The following SPON1 variants were observed in gnomAD, a reference collection of about 807,000 sequenced individuals.
The protein encoded by SPON1 is spondin 1, also known as spondin-1.
In SPON1, 52 loss-of-function variants were observed where a neutral mutation model predicts 111.7. That is an observed-to-expected ratio of 0.47 (90% CI 0.37 to 0.59). SPON1 has a LOEUF of 0.59. SPON1 is among the 20% of genes least tolerant of loss of function. The probability of loss-of-function intolerance (pLI) is 0.00; values close to 1 mark genes in which losing one functional copy is unlikely to be tolerated. For missense variants in SPON1, 957 were observed against 1,068.5 expected, an observed-to-expected ratio of 0.90 and a Z score of 1.46; for synonymous variants, 410 against 395.8, an observed-to-expected ratio of 1.04 and a Z score of -0.43.
intron 5 of SPON1, among the ~76,000 whole-genome samples, chr11:14,080,642 A>G (rs1848955597): frequency 6.6e-6 from 1 of 152,218 alleles, no homozygotes; most frequent in South Asian, 2.1e-4. Flanking sequence ...CCTGTCCATG[A>G]ATTCCATGAC....
intron 6 of SPON1, among the ~76,000 whole-genome samples, chr11:14,170,807 C>T (rs532140306): frequency 6.6e-6 from 1 of 152,200 alleles, no homozygotes; most frequent in South Asian, 2.1e-4. Context: ...TATTGATTTT[C>T]GTATGTTGAA....
chr11:14,172,822 C>T (rs1848123167), intron 6 of SPON1, among the ~76,000 whole-genome samples: 2 of 151,924 alleles, frequency 1.3e-5, no homozygotes, highest in Non-Finnish European at 2.9e-5. Flanking sequence ...ATATTGGCCC[C>T]CACTCTCTTC....
chr11:13,994,440 C>CCACA (rs3993090), intron 2 of SPON1, among the ~76,000 whole-genome samples: 2 of 151,426 alleles, frequency 1.3e-5, no homozygotes, highest in Admixed American at 1.3e-4. Context: ...TCCCCCATCC[C>CCACA]CACACACACA....
At chr11:14,128,115 T>G (rs1847482266) in intron 5 of SPON1, among the ~76,000 whole-genome samples, 1 of 152,128 alleles carries the variant, frequency 6.6e-6, no homozygotes, top group African/African-American at 2.4e-5. Flanking sequence ...CCCTCCCAAA[T>G]CTCATGTCTT....
At chr11:13,997,579 C>T (rs1468982842) in intron 2 of SPON1, among the ~76,000 whole-genome samples, 1 of 152,216 alleles carries the variant, frequency 6.6e-6, no homozygotes, top group East Asian at 1.9e-4. Flanking sequence ...GAATCATAAA[C>T]TCCATTCCTC....
intron 7 of SPON1, among the ~76,000 whole-genome samples, chr11:14,250,103 G>A (rs1035274855): frequency 2.6e-5 from 4 of 151,990 alleles, no homozygotes; most frequent in Admixed American, 1.3e-4. Context: ...CTACATATTT[G>A]GATTAACTCT....
At chr11:13,971,617 T>A (rs1384653259) in intron 1 of SPON1, among the ~76,000 whole-genome samples, 2 of 152,102 alleles carry the variant, frequency 1.3e-5, no homozygotes, top group African/African-American at 2.4e-5. Context: ...CTTTTTTCAC[T>A]CTTTTAAAGG....
chr11:14,105,978 C>T (rs142465245), intron 5 of SPON1, among the ~76,000 whole-genome samples: 2 of 152,228 alleles, frequency 1.3e-5, no homozygotes, highest in East Asian at 1.9e-4. Context: ...ACTTGCTTGC[C>T]ATTTACTCCT....
In SPON1 at chr11:14,162,215, T is replaced by A. The variant is rs1379699995; in HGVS notation, c.825+26647T>A. ...TTTTCTTAAAATATAAAATGAAATA[T>A]GAACACTAACCCATGTATATTACAC... On this transcript the variant is annotated intron_variant, in intron 6 of 15. Transcript: ENST00000576479. Among the ~76,000 whole-genome samples, 5 of 148,822 alleles carry A rather than the reference T, an allele frequency of 3.4e-5. No homozygotes were observed. In the South Asian group the frequency reaches 8.5e-4, roughly 25 times the overall value.
At chr11:14,196,439 G>A (rs1426368581) in intron 6 of SPON1, among the ~76,000 whole-genome samples, 1 of 152,064 alleles carries the variant, frequency 6.6e-6, no homozygotes, top group Non-Finnish European at 1.5e-5. Context: ...AAAAATTATT[G>A]AGTTACTTTA....
chr11:14,131,344 G>A (rs1847527469), intron 5 of SPON1, among the ~76,000 whole-genome samples: 1 of 152,164 alleles, frequency 6.6e-6, no homozygotes, highest in African/African-American at 2.4e-5. Flanking sequence ...TGAGGATAAG[G>A]TTATGGTGAG....
Position 14,267,028 on chromosome 11 carries a change from CT to C in SPON1, c.*1343del, listed in dbSNP as rs2133931413. The C allele has an allele frequency of 6.6e-6, 1 of 152,308 alleles. No individual in the cohort carries two copies. Among genetic ancestry groups the C allele is most frequent in the African/African-American group, 2.4e-5 (1 of 41,570 alleles). The allele number at this position is 152,308 out of a possible 1,614,324, so 9.4% of individuals were successfully genotyped here. ...ATTGTTGAAAACTATTGTTTCATTT[CT>C]TCTTTTATAGGCCTTATTACTGCTT... On this transcript the variant is annotated 3_prime_UTR_variant, in exon 16 of 16. Coordinates refer to ENST00000576479, the MANE Select transcript of SPON1 (RefSeq NM_006108.4).
At chr11:14,159,392 G>T (rs1554930697) in intron 6 of SPON1, among the ~76,000 whole-genome samples, 1 of 152,094 alleles carries the variant, frequency 6.6e-6, no homozygotes, top group African/African-American at 2.4e-5. Context: ...AAATACTGTT[G>T]AGGATGTGGA....
intron 6 of SPON1, among the ~76,000 whole-genome samples, chr11:14,186,237 G>A (rs1333336815): frequency 1.3e-5 from 2 of 152,230 alleles, no homozygotes; most frequent in African/African-American, 4.8e-5. Flanking sequence ...CACAGTGTGT[G>A]ATTAATTGCC....
chr11:14,262,905 C>A lies in SPON1; in HGVS notation c.2190C>A (p.Arg730=), dbSNP rs1324859132. 1 of 1,613,728 alleles carries A rather than the reference C, an allele frequency of 6.2e-7. No individual in the cohort carries two copies. Among genetic ancestry groups the A allele is most frequent in the East Asian group, 2.2e-5 (1 of 44,870 alleles). ...GAAATCCATCCATCCAAAAGCTACGCTGGAGGGAGGCCCGAGAGAGCCGGC... is the reference window on the plus strand; with the variant it reads ...GAAATCCATCCATCCAAAAGCTACGATGGAGGGAGGCCCGAGAGAGCCGGC... ...CLRNPSIQKL[R]WREARESRRS... The change falls in exon 15 of 16, where the codon CGC becomes CGA. Residue 730 remains arginine (R), a synonymous_variant. Transcript: ENST00000576479.
At chr11:14,198,126 G>C (rs1005035352) in intron 6 of SPON1, among the ~76,000 whole-genome samples, 1 of 152,202 alleles carries the variant, frequency 6.6e-6, no homozygotes, top group African/African-American at 2.4e-5. Context: ...CTGGAGTGGA[G>C]GATGGGCTCT....
At chr11:14,038,716 G>C (rs572588836) in intron 2 of SPON1, among the ~76,000 whole-genome samples, 1 of 152,222 alleles carries the variant, frequency 6.6e-6, no homozygotes, top group Non-Finnish European at 1.5e-5. Flanking sequence ...ATCCTGTGGA[G>C]GATGTGGAAC....
chr11:14,141,029 C>CCGCCCA (rs71041572), intron 6 of SPON1, among the ~76,000 whole-genome samples: 2 of 132,274 alleles, frequency 1.5e-5, no homozygotes, highest in Non-Finnish European at 3.3e-5. Flanking sequence ...GTGCCCCCCC[C>CCGCCCA]ATGCCCCACT....
chr11:14,155,028 C>T (rs1379883704), intron 6 of SPON1, among the ~76,000 whole-genome samples: 4 of 152,182 alleles, frequency 2.6e-5, no homozygotes, highest in African/African-American at 9.7e-5. Context: ...ACTCCAGTTC[C>T]CAGTAAGTTC....
Sources: gnomAD v4.1 joint callset for allele counts (sites outside exome capture counted in the v4.1 genomes callset) on GRCh38, gnomAD v4.1.1 for gene constraint, MANE v1.5 for transcripts, NCBI Gene and HGNC (gene_info 2026-07-23, HGNC 2026-07-21) for gene names.